LRP5: variants seen among roughly 807,000 people sequenced by gnomAD.
LRP5 encodes LDL receptor related protein 5, also known as low-density lipoprotein receptor-related protein 5.
Under a neutral mutation model 154.1 loss-of-function variants are expected in LRP5, and 62 were observed. That is an observed-to-expected ratio of 0.40 (90% CI 0.33 to 0.50). LRP5 has a LOEUF of 0.50. Ranked by LOEUF, LRP5 falls within the 20% of genes least tolerant of loss-of-function variation. LRP5 has a pLI of 0.55. For missense variants in LRP5, 1,915 were observed against 2,336.7 expected, an observed-to-expected ratio of 0.82 and a Z score of 3.72; for synonymous variants, 966 against 1,011.5, an observed-to-expected ratio of 0.96 and a Z score of 0.85.
rs774097621 is a variant in LRP5, at chr11:68,403,534, C to T, written c.1636C>T (p.Pro546Ser). Residue 546 changes from proline to serine, a missense_variant, in exon 8 of 23, where the codon CCG (proline) becomes TCG (serine). Transcript: ENST00000294304. ...KRRTLLEDKLPHIFGFTLLGD... is the reference protein window; with the variant it reads ...KRRTLLEDKLSHIFGFTLLGD... ...GCGGACCCTCCTGGAGGACAAGCTC[C>T]CGCACATTTTTGGGTTCACGCTGCT... The T allele has an allele frequency of 9.3e-6, 15 of 1,614,072 alleles. No individual in the cohort carries two copies. In the African/African-American group the frequency reaches 2.0e-4, roughly 22 times the overall value.
At chr11:68,372,964 C>A (rs1346822714) in intron 5 of LRP5, among the ~76,000 whole-genome samples, 2 of 152,030 alleles carry the variant, frequency 1.3e-5, no homozygotes, top group Admixed American at 6.6e-5. Context: ...CATCCAGAGT[C>A]CCCAGCCCCA....
At chr11:68,361,375 G>A (rs1454152977) in intron 3 of LRP5, among the ~76,000 whole-genome samples, 8 of 151,456 alleles carry the variant, frequency 5.3e-5, no homozygotes, top group South Asian at 2.1e-4. Context: ...GGTGGCTCAC[G>A]CCTGTAATCC....
chr11:68,318,916 C>T (rs1388626028), intron 1 of LRP5, among the ~76,000 whole-genome samples: 4 of 152,146 alleles, frequency 2.6e-5, no homozygotes, highest in Non-Finnish European at 2.9e-5. Flanking sequence ...AAAATAGAAC[C>T]AGCTGATTCC....
chr11:68,385,884 G>A (rs1223704774), intron 5 of LRP5, among the ~76,000 whole-genome samples: 2 of 152,216 alleles, frequency 1.3e-5, no homozygotes, highest in East Asian at 3.9e-4. Context: ...GGGCATGCTG[G>A]GGACGCTGAG....
chr11:68,320,020 G>C (rs540360817), intron 1 of LRP5, among the ~76,000 whole-genome samples: 5 of 152,200 alleles, frequency 3.3e-5, no homozygotes, highest in Admixed American at 2.0e-4. Context: ...AATTAGCTGA[G>C]TATGATTGCA....
chr11:68,335,131 C>T (rs2153121912), intron 1 of LRP5, among the ~76,000 whole-genome samples: 1 of 148,796 alleles, frequency 6.7e-6, no homozygotes, highest in South Asian at 2.1e-4. Context: ...GGCTGGAATG[C>T]AGTGGTACAA....
intron 5 of LRP5, among the ~76,000 whole-genome samples, chr11:68,373,793 C>T (rs1293009724): frequency 2.6e-5 from 4 of 152,238 alleles, no homozygotes; most frequent in African/African-American, 7.2e-5. Context: ...CCGCCATCCT[C>T]GGAAGCTGCT....
intron 5 of LRP5, among the ~76,000 whole-genome samples, chr11:68,372,312 A>T (rs1487238492): frequency 1.0e-5 from 1 of 100,404 alleles, no homozygotes; most frequent in Non-Finnish European, 1.9e-5. Context: ...TGATGAGGAA[A>T]TGCAGTGTCA....
At chr11:68,431,710 T>TA (rs1336578531) in intron 17 of LRP5, among the ~76,000 whole-genome samples, 1 of 152,198 alleles carries the variant, frequency 6.6e-6, no homozygotes, top group Admixed American at 6.5e-5. Context: ...TTCTCCAAGT[T>TA]ACAGCCCAAA....
intron 2 of LRP5, among the ~76,000 whole-genome samples, chr11:68,350,632 T>G (rs1253351314): frequency 2.0e-5 from 3 of 152,222 alleles, no homozygotes; most frequent in Non-Finnish European, 2.9e-5. Context: ...ATGCCCCTCC[T>G]CTGGGCCTGC....
chr11:68,421,470 G>T (rs973998082), intron 13 of LRP5, among the ~76,000 whole-genome samples: 1 of 152,146 alleles, frequency 6.6e-6, no homozygotes, highest in Non-Finnish European at 1.5e-5. Flanking sequence ...TTTTGGCCAG[G>T]GTAGCTGGAA....
At chr11:68,360,124 G>C (rs866751407) in intron 3 of LRP5, among the ~76,000 whole-genome samples, 3 of 151,898 alleles carry the variant, frequency 2.0e-5, no homozygotes, top group Admixed American at 6.6e-5. Flanking sequence ...TGTTCCTCCC[G>C]CCTCAGCCTT....
intron 1 of LRP5, among the ~76,000 whole-genome samples, chr11:68,329,851 C>T (rs2098601750): frequency 6.6e-6 from 1 of 152,188 alleles, no homozygotes; most frequent in Non-Finnish European, 1.5e-5. Context: ...CTTCCGGGGG[C>T]TTGGCAAGGC....
chr11:68,426,417 C>A (rs1157507173), intron 16 of LRP5, among the ~76,000 whole-genome samples: 1 of 149,106 alleles, frequency 6.7e-6, no homozygotes, highest in Non-Finnish European at 1.5e-5. Flanking sequence ...TAAGACAACA[C>A]CAACTCTTTT....
At chr11:68,319,288 G>A (rs2450898) in intron 1 of LRP5, among the ~76,000 whole-genome samples, 3 of 151,888 alleles carry the variant, frequency 2.0e-5, no homozygotes, top group Admixed American at 1.3e-4. Flanking sequence ...GGCTGGTCTC[G>A]AACTCCTGAC....
chr11:68,423,502 C>T lies in LRP5; in HGVS notation c.3041C>T (p.Thr1014Ile), dbSNP rs1360541726. Residue 1014 changes from threonine to isoleucine, a missense_variant, in exon 14 of 23, where the codon ACC becomes ATC. Thr to Ile is a moderately conservative substitution (Grantham distance 89). Coordinates refer to ENST00000294304, the MANE Select transcript of LRP5 (RefSeq NM_002335.4). This position sits in a 1 kb window ranked among gnomAD's most constrained non-coding sequence, Gnocchi z 4.7. The part of the protein sequence containing the change: ...KDDGTQPFVL[T>I]SLSQGQNPDR... ...TTTGTCTTACAGCCCTTTGTTTTGA[C>T]CTCTCTGAGCCAAGGCCAAAACCCA... is the stretch of plus-strand genomic sequence containing the variant. 2.5e-6 allele frequency: 4 copies of T among 1,614,042 alleles called. No homozygotes were observed. The highest frequency in any genetic ancestry group is 3.4e-6 in the Non-Finnish European group (4 of 1,180,010).
At position 68,411,057 on chromosome 11, in the gene LRP5, CT is replaced by C. The variant is rs2098659130; in HGVS notation, c.2319-378del. 3.3e-5 allele frequency among the ~76,000 whole-genome samples: 5 copies of C among 152,290 alleles called. No homozygotes were observed. The South Asian group carries it at 1.0e-3, about 32-fold the overall frequency. On this transcript the variant is annotated intron_variant, in intron 10 of 22. Coordinates refer to ENST00000294304, the MANE Select transcript of LRP5 (RefSeq NM_002335.4). ...CGGATCCCGCAAGGCCTCCCCTGCC[CT>C]GAGGTCTTGTTTTGTGATGTGCTTG...
chr11:68,309,083 G>A (rs1445732210), upstream of LRP5, among the ~76,000 whole-genome samples: 7 of 151,536 alleles, frequency 4.6e-5, no homozygotes, highest in Non-Finnish European at 8.8e-5. Context: ...ACAGGTGCCC[G>A]CCACCACGCC....
In LRP5 at chr11:68,417,449, CTTTTTTTTTTT is replaced by C. The variant is rs1161126346; in HGVS notation, c.3027+942_3027+952del. Among the ~76,000 whole-genome samples the C allele has an allele frequency of 1.3e-3, 55 of 41,608 alleles. No homozygotes were observed. The East Asian group carries it at 0.027, about 20-fold the overall frequency. The allele number at this position is 41,608 out of a possible 152,430, so 27.3% of individuals were successfully genotyped here. On this transcript the variant is annotated intron_variant, in intron 13 of 22. Coordinates refer to ENST00000294304, the MANE Select transcript of LRP5 (RefSeq NM_002335.4). ...ACATCATTGCATTGGAACAGATTGG[CTTTTTTTTTTT>C]TTTTTTTTTTTTTTTTTTTGAGATG...
Sources: gnomAD v4.1 joint callset for allele counts (sites outside exome capture counted in the v4.1 genomes callset) on GRCh38, gnomAD v4.1.1 for gene constraint, Gnocchi (gnomAD v3.1) non-coding constraint, MANE v1.5 for transcripts, NCBI Gene and HGNC (gene_info 2026-07-23, HGNC 2026-07-21) for gene names.